Variants in SHTN1 observed in about 807,000 individuals in gnomAD.
The protein encoded by SHTN1 is shootin 1.
A neutral mutation model predicts 83.1 loss-of-function variants in SHTN1; 42 were observed. The observed-to-expected ratio is 0.51, with a 90% CI of 0.39 to 0.65. The LOEUF is 0.65. Ranked by LOEUF, SHTN1 falls within the 30% of genes least tolerant of loss-of-function variation. SHTN1 has a pLI of 0.00. For synonymous variants in SHTN1, 224 were observed against 247.7 expected (o/e 0.90, Z 0.90); for missense variants, 622 against 737.8 (o/e 0.84, Z 1.82).
intron 14 of SHTN1, 184 bp downstream of exon 14, chr10:116,911,606 T>C: frequency 6.4e-7 from 1 of 1,551,664 alleles, no homozygotes. Flanking sequence ...CACAGTGTTA[T>C]TTGAAAAATT....
intron 1 of SHTN1, among the ~76,000 whole-genome samples, chr10:117,087,869 G>A (rs550447379): frequency 5.3e-5 from 8 of 152,258 alleles, no homozygotes; most frequent in African/African-American, 1.9e-4. Context: ...TGGGGAGGCC[G>A]AGGCAGGAGG....
At chr10:117,053,679 C>T (rs1852781628) in intron 1 of SHTN1, among the ~76,000 whole-genome samples, 1 of 152,182 alleles carries the variant, frequency 6.6e-6, no homozygotes, top group African/African-American at 2.4e-5. Flanking sequence ...GGTGCACATA[C>T]TGTGGAAAAC....
At position 117,005,161 on chromosome 10, in the gene SHTN1, G is replaced by A. The variant is rs941887783; in HGVS notation, c.-82C>T. 32 of 1,547,500 alleles carry A rather than the reference G, an allele frequency of 2.1e-5. No homozygotes were observed. Among genetic ancestry groups the A allele is most frequent in the Non-Finnish European group, 2.6e-5 (30 of 1,145,866 alleles). ...GAGGAGGGGGAAGAAAAAGCAAGAT[G>A]CCGGTGGCTTGCGGCTCCACTACCC... On this transcript the variant is annotated 5_prime_UTR_variant, in exon 1 of 17. Transcript: ENST00000355371.
At chr10:117,017,788 G>A (rs910046997) in intron 2 of SHTN1, among the ~76,000 whole-genome samples, 4 of 152,074 alleles carry the variant, frequency 2.6e-5, no homozygotes, top group Admixed American at 6.6e-5. Context: ...CCTAGCAGAC[G>A]GCAGTTTAAC....
intron 3 of SHTN1, among the ~76,000 whole-genome samples, chr10:116,967,922 G>A (rs1043470479): frequency 8.5e-5 from 13 of 152,164 alleles, no homozygotes; most frequent in East Asian, 7.7e-4. Flanking sequence ...AGTGGCTCCC[G>A]CCTGTAATTC....
At chr10:116,974,839 A>T (rs553039422) in intron 2 of SHTN1, among the ~76,000 whole-genome samples, 1 of 151,214 alleles carries the variant, frequency 6.6e-6, no homozygotes, top group Non-Finnish European at 1.5e-5. Context: ...CCCATATAGG[A>T]AAAAAACCCA....
intron 1 of SHTN1, among the ~76,000 whole-genome samples, chr10:116,999,470 C>T (rs1017146712): frequency 6.6e-6 from 1 of 152,106 alleles, no homozygotes; most frequent in African/African-American, 2.4e-5. Context: ...TTCAAAGAGT[C>T]ACAGTGCATA....
chr10:117,078,838 G>T (rs1445336568), intron 1 of SHTN1, among the ~76,000 whole-genome samples: 2 of 152,018 alleles, frequency 1.3e-5, no homozygotes, highest in Non-Finnish European at 2.9e-5. Flanking sequence ...CTTTTGGAAG[G>T]TCATGTCTTT....
At chr10:116,917,691 A>G (rs1435661926) in intron 12 of SHTN1, among the ~76,000 whole-genome samples, 1 of 152,218 alleles carries the variant, frequency 6.6e-6, no homozygotes, top group African/African-American at 2.4e-5. Context: ...TATGGTCAAC[A>G]CCATTCAAAT....
Position 116,940,541 on chromosome 10 carries a change from C to T in SHTN1, c.783G>A (p.Gln261=). 6.2e-7 allele frequency: 1 copy of T among 1,614,058 alleles called. No individual in the cohort carries two copies. Among genetic ancestry groups the T allele is most frequent in the Non-Finnish European group, 8.5e-7 (1 of 1,179,964 alleles). ...CATTTTCGTCTAAAGCTTTCAAAAGCTGCTGATCAGGGATGGAGCTCTGCA... is the reference window on the plus strand; with the variant it reads ...CATTTTCGTCTAAAGCTTTCAAAAGTTGCTGATCAGGGATGGAGCTCTGCA... ...LLLQSSIPDQ[Q]LLKALDENAK... The change falls in exon 9 of 17, where the codon CAG becomes CAA. Residue 261 remains glutamine, a synonymous_variant. Transcript: ENST00000355371.
intron 1 of SHTN1, among the ~76,000 whole-genome samples, chr10:117,112,533 A>C (rs1853782825): frequency 6.6e-6 from 1 of 152,234 alleles, no homozygotes; most frequent in Non-Finnish European, 1.5e-5. Flanking sequence ...TGTTTCATTA[A>C]GGATTCACAA....
intron 14 of SHTN1, chr10:116,911,389 G>A: frequency 5.7e-6 from 8 of 1,403,772 alleles, no homozygotes; most frequent in Non-Finnish European, 7.6e-6. Flanking sequence ...ATTTGGGGAG[G>A]AATTTAGCTT....
At chr10:116,927,694 C>T in intron 11 of SHTN1, 98 bp downstream of exon 11, 1 of 1,382,172 alleles carries the variant, frequency 7.2e-7, no homozygotes, top group Non-Finnish European at 9.5e-7. Flanking sequence ...AGAGAAGCAT[C>T]AGCTAGTATC....
Position 116,881,829 on chromosome 10 carries a change from A to G in SHTN1, c.*4515T>C. The G allele has an allele frequency of 1.9e-6, 1 of 539,682 alleles. No homozygotes were observed. The highest frequency in any genetic ancestry group is 8.5e-5 in the South Asian group (1 of 11,764). 33.4% of individuals were successfully genotyped at this position (539,682 alleles called of 1,614,324 possible). A position where few individuals can be genotyped will look rare whatever the true frequency, so the allele number is the denominator to read the frequency against. On this transcript the variant is annotated 3_prime_UTR_variant, in exon 17 of 17. Coordinates refer to ENST00000355371, the MANE Select transcript of SHTN1 (RefSeq NM_001127211.3). ...CACTGTTTGGTAAATTACATATATG[A>G]TGTTTTTGCCTGAAATTCTGTGAAC...
intron 1 of SHTN1, among the ~76,000 whole-genome samples, chr10:117,081,749 C>T (rs1236456315): frequency 6.7e-6 from 1 of 148,848 alleles, no homozygotes; most frequent in African/African-American, 2.5e-5. Flanking sequence ...CAACTTCTTC[C>T]TGGTTTAGTC....
At chr10:117,005,986 C>G (rs1281996806), upstream of SHTN1, among the ~76,000 whole-genome samples, 1 of 152,178 alleles carries the variant, frequency 6.6e-6, no homozygotes, top group African/African-American at 2.4e-5. Context: ...AGTTCACTGC[C>G]CTCTGAACTA....
At chr10:117,056,491 T>C (rs1351155475) in intron 1 of SHTN1, among the ~76,000 whole-genome samples, 1 of 152,136 alleles carries the variant, frequency 6.6e-6, no homozygotes, top group Non-Finnish European at 1.5e-5. Flanking sequence ...AAAAAGTATT[T>C]GACAAAATCC....
chr10:116,906,810 T>A, intron 14 of SHTN1, 63 bp from the exon 15 acceptor site: 1 of 1,324,868 alleles, frequency 7.5e-7, no homozygotes, highest in Non-Finnish European at 1.0e-6. Context: ...CAAAAGAATA[T>A]AAAAATCAAA....
intron 1 of SHTN1, among the ~76,000 whole-genome samples, chr10:117,061,855 C>T (rs1589916116): frequency 6.6e-6 from 1 of 152,310 alleles, no homozygotes; most frequent in East Asian, 1.9e-4. Context: ...CCTGCTTCTA[C>T]AAAACACATT....
Sources: gnomAD v4.1 joint callset for allele counts (sites outside exome capture counted in the v4.1 genomes callset) on GRCh38, gnomAD v4.1.1 for gene constraint, MANE v1.5 for transcripts, NCBI Gene and HGNC (gene_info 2026-07-23, HGNC 2026-07-21) for gene names.